Variants in GNA15 observed in about 807,000 individuals in gnomAD.
The protein encoded by GNA15 is guanine nucleotide-binding protein subunit alpha-15.
GNA15 carries 23 observed loss-of-function variants against 40.1 expected under a neutral mutation model. The observed-to-expected ratio is 0.57, with a 90% CI of 0.41 to 0.81. GNA15 has a LOEUF of 0.81. GNA15 is among the 40% of genes least tolerant of loss of function. The probability of loss-of-function intolerance (pLI) is 0.00; values close to 1 mark genes in which losing one functional copy is unlikely to be tolerated. For synonymous variants in GNA15, 226 were observed against 210.4 expected, an observed-to-expected ratio of 1.07 and a Z score of -0.64; for missense variants, 522 against 515.8, an observed-to-expected ratio of 1.01 and a Z score of -0.12.
chr19:3,154,997 C>A (rs1396108895), intron 4 of GNA15: 1 of 152,142 alleles, frequency 6.6e-6, no homozygotes, highest in Non-Finnish European at 1.5e-5. Context: ...TCTCCAGAGC[C>A]CCCTCTCGAC....
At chr19:3,157,083 C>T (rs558187311) in intron 5 of GNA15, among the ~76,000 whole-genome samples, 8 of 152,078 alleles carry the variant, frequency 5.3e-5, no homozygotes, top group South Asian at 2.1e-4. Context: ...CTGCAACCTC[C>T]GCCTCCCGGG....
intron 5 of GNA15, among the ~76,000 whole-genome samples, chr19:3,156,275 T>C (rs375960054): frequency 6.9e-6 from 1 of 145,420 alleles, no homozygotes; most frequent in Non-Finnish European, 1.5e-5. Flanking sequence ...TACATGCACA[T>C]ACACACGTGC....
intron 1 of GNA15, among the ~76,000 whole-genome samples, chr19:3,144,606 G>T (rs1914655481): frequency 1.3e-5 from 2 of 151,594 alleles, no homozygotes; most frequent in South Asian, 4.2e-4. Flanking sequence ...TCGGCTCATT[G>T]CAAGCTCCGC....
rs543701081 is a variant in GNA15 at position 3,155,008 on chromosome 19, G to C, written c.615-815G>C. On this transcript the variant is annotated intron_variant, in intron 4 of 6. Transcript: ENST00000262958. The surrounding 1 kb of genome is among the most constrained non-coding windows in gnomAD (Gnocchi z 5.6). ...TCAGTCTCCAGAGCCCCCTCTCGAC[G>C]GCTGCTTACCCTGTCTGGCTCTGGA... 9.9e-4 allele frequency: 150 copies of C among 152,244 alleles called. No homozygotes were observed. Among genetic ancestry groups the C allele is most frequent in the African/African-American group, 3.6e-3 (150 of 41,520 alleles). The allele number at this position is 152,244 out of a possible 1,614,324, so 9.4% of individuals were successfully genotyped here.
chr19:3,144,917 C>T (rs1644395304), intron 1 of GNA15, among the ~76,000 whole-genome samples: 1 of 151,840 alleles, frequency 6.6e-6, no homozygotes, highest in African/African-American at 2.4e-5. Context: ...CAGCCTCCGC[C>T]TCCCAGGTTC....
chr19:3,154,421 G>A (rs572041203), intron 4 of GNA15, among the ~76,000 whole-genome samples: 9 of 147,844 alleles, frequency 6.1e-5, no homozygotes, highest in Non-Finnish European at 1.3e-4. Flanking sequence ...GGGTACATGG[G>A]TGGATGAGTG....
In GNA15 at chr19:3,148,745, G is replaced by A; in HGVS notation, c.300G>A (p.Leu100=). The A allele has an allele frequency of 1.9e-6, 3 of 1,603,216 alleles. No homozygotes were observed. Among genetic ancestry groups the A allele is most frequent in the East Asian group, 2.2e-5 (1 of 44,470 alleles). Residue 100 remains leucine (L), a synonymous_variant, in exon 2 of 7, where the codon CTG becomes CTA. Transcript: ENST00000262958. The stretch of plus-strand genomic sequence containing the variant: ...CCATGATCGAGGCCATGGAGCGGCT[G>A]CAGATTCCATTCAGCAGGCCCGAGA... ...MRAMIEAMER[L]QIPFSRPESK...
chr19:3,140,731 C>T (rs1025492581), intron 1 of GNA15, among the ~76,000 whole-genome samples: 3 of 151,030 alleles, frequency 2.0e-5, no homozygotes, highest in Admixed American at 2.0e-4. Context: ...ATAGTAGATG[C>T]TCAAGAAATG....
intron 5 of GNA15, among the ~76,000 whole-genome samples, chr19:3,156,246 C>T (rs892039149): frequency 2.7e-5 from 4 of 149,290 alleles, no homozygotes; most frequent in East Asian, 2.0e-4. Flanking sequence ...CACACAAACA[C>T]GCACAGACAC....
chr19:3,156,894 T>A (rs1490405726), intron 5 of GNA15, among the ~76,000 whole-genome samples: 1 of 152,152 alleles, frequency 6.6e-6, no homozygotes, highest in Non-Finnish European at 1.5e-5. Context: ...GATGGCCCTG[T>A]TTCCAAAGAA....
At chr19:3,158,210 C>T (rs1332592895) in intron 6 of GNA15, among the ~76,000 whole-genome samples, 1 of 151,746 alleles carries the variant, frequency 6.6e-6, no homozygotes, top group Non-Finnish European at 1.5e-5. Context: ...AGTGCAGTGG[C>T]GTGATCTCGG....
In GNA15 at chr19:3,157,870, C is replaced by G; in HGVS notation, c.887C>G (p.Pro296Arg). 2 of 1,612,912 alleles carry G rather than the reference C, an allele frequency of 1.2e-6. No homozygotes were observed. The highest frequency in any genetic ancestry group is 2.2e-5 in the South Asian group (2 of 91,060). ...ACCTCCCACCTGGCTACCTATTTCC[C>G]CAGTTTCCAGGGTAAGTAATTCTAG... Reference protein sequence around the residue: ...IPTSHLATYFPSFQGPKQDAE... With the variant: ...IPTSHLATYFRSFQGPKQDAE... The change falls in exon 6 of 7, where the codon CCC (proline) becomes CGC (arginine). Residue 296 changes from proline to arginine, a missense_variant. By Grantham distance (103) the Pro-to-Arg change is moderately radical. Coordinates refer to ENST00000262958, the MANE Select transcript of GNA15 (RefSeq NM_002068.4).
rs761107382 is a variant in GNA15, at chr19:3,163,059, T to TGG, written c.*42_*43dup. 5.3e-5 allele frequency: 70 copies of TGG among 1,324,680 alleles called. No individual in the cohort carries two copies. The highest frequency in any genetic ancestry group is 6.8e-5 in the Non-Finnish European group (63 of 919,994). 82.1% of individuals were successfully genotyped at this position (1,324,680 alleles called of 1,614,324 possible). A position where few individuals can be genotyped will look rare whatever the true frequency, so the allele number is the denominator to read the frequency against. ...GGGGCAGGCGGCACCGGCGGGCGGG[T>TGG]GGGAGGTGGGAGTGGCTGCAGGGAC... On this transcript the variant is annotated 3_prime_UTR_variant, in exon 7 of 7. Coordinates refer to ENST00000262958, the MANE Select transcript of GNA15 (RefSeq NM_002068.4).
chr19:3,156,700 G>C (rs1057392652), intron 5 of GNA15, among the ~76,000 whole-genome samples: 5 of 152,040 alleles, frequency 3.3e-5, no homozygotes, highest in African/African-American at 1.2e-4. Context: ...GTTTCACCAT[G>C]TTAGCCAGGA....
chr19:3,145,361 T>TATATATATATATATA (rs57906685), intron 1 of GNA15, among the ~76,000 whole-genome samples: 7 of 28,202 alleles, frequency 2.5e-4, no homozygotes, highest in East Asian at 9.2e-4. Context: ...ATATATATAT[T>TATATATATATATATA]TTTTTTTTTT....
rs78593231 is a variant in GNA15 at position 3,156,027 on chromosome 19, G to T, written c.744+75G>T. The T allele has an allele frequency of 1.9e-3, 2,614 of 1,376,690 alleles. 52 individuals carry two copies. The African/African-American group carries it at 0.034, about 18-fold the overall frequency. 85.3% of individuals were successfully genotyped at this position (1,376,690 alleles called of 1,614,324 possible). On this transcript the variant is annotated intron_variant, in intron 5 of 6. Coordinates refer to ENST00000262958, the MANE Select transcript of GNA15 (RefSeq NM_002068.4). ...CACCTGAGCAGGAAGCTCTGGTGCA[G>T]AAAGGGAGGGATCCCTGCTCTTGAA...
intron 4 of GNA15, among the ~76,000 whole-genome samples, chr19:3,154,488 GTGGA>G (rs900995095): frequency 1.3e-5 from 2 of 150,760 alleles, no homozygotes; most frequent in East Asian, 2.0e-4. Flanking sequence ...GGACAGATGG[GTGGA>G]TGGATGGATG....
At chr19:3,141,385 T>G (rs1200274886) in intron 1 of GNA15, among the ~76,000 whole-genome samples, 1 of 152,186 alleles carries the variant, frequency 6.6e-6, no homozygotes, top group Non-Finnish European at 1.5e-5. Flanking sequence ...CTTAGCACTT[T>G]AAACATTTTA....
chr19:3,154,108 A>G (rs889078964), intron 4 of GNA15, among the ~76,000 whole-genome samples: 9 of 148,762 alleles, frequency 6.0e-5, no homozygotes, highest in Admixed American at 2.0e-4. Flanking sequence ...GGATAGATGG[A>G]TGGATGAGTG....
Sources: gnomAD v4.1 joint callset for allele counts (sites outside exome capture counted in the v4.1 genomes callset) on GRCh38, gnomAD v4.1.1 for gene constraint, Gnocchi (gnomAD v3.1) non-coding constraint, MANE v1.5 for transcripts, NCBI Gene and HGNC (gene_info 2026-07-23, HGNC 2026-07-21) for gene names.